Variants in EIF2B1 observed in about 807,000 individuals in gnomAD.
EIF2B1 encodes the protein translation initiation factor eIF2B subunit alpha.
In EIF2B1, 30 loss-of-function variants were observed where a neutral mutation model predicts 36.8. The observed-to-expected ratio is 0.81, with a 90% CI of 0.61 to 1.10. The LOEUF is 1.10. Ranked by LOEUF, EIF2B1 falls within the 50% of genes least tolerant of loss-of-function variation. The probability of loss-of-function intolerance (pLI) is 0.00; values close to 1 mark genes in which losing one functional copy is unlikely to be tolerated. For synonymous variants in EIF2B1, 139 were observed against 142.2 expected, an observed-to-expected ratio of 0.98 and a Z score of 0.16; for missense variants, 271 against 374.8, an observed-to-expected ratio of 0.72 and a Z score of 2.29.
intron 5 of EIF2B1, 69 bp downstream of exon 5, chr12:123,626,975 T>C (rs763941993): frequency 1.6e-5 from 23 of 1,401,480 alleles, no homozygotes; most frequent in East Asian, 2.3e-5. Context: ...CTGATCCTGT[T>C]GGACTGTAAT....
chr12:123,632,693 T>A (rs554592483), intron 1 of EIF2B1, among the ~76,000 whole-genome samples: 2 of 152,256 alleles, frequency 1.3e-5, no homozygotes, highest in East Asian at 3.9e-4. Context: ...ACGCCTGTAA[T>A]CCCAGCACTT....
Position 123,632,351 on chromosome 12 carries a change from C to G in EIF2B1, c.109G>C (p.Asp37His), listed in dbSNP as rs1955200291. The change falls in exon 2 of 9, where the codon GAT (aspartate) becomes CAT (histidine). Residue 37 changes from aspartate (D) to histidine (H), a missense_variant. Physicochemically the swap from Asp to His is moderately conservative, Grantham distance 81. Transcript: ENST00000424014. ...CAGATGACTCTCTATATACCTTTAT[C>G]TCTCTTCAAGAACTCCAGCAACGTC... ...IRTLLEFLKRDKGETIQGLRA... is the reference protein window; with the variant it reads ...IRTLLEFLKRHKGETIQGLRA... 2 of 1,604,516 alleles carry G rather than the reference C, an allele frequency of 1.2e-6. No homozygotes were observed. The highest frequency in any genetic ancestry group is 1.7e-5 in the Admixed American group (1 of 59,872).
chr12:123,630,020 T>C lies in EIF2B1; in HGVS notation c.369+149A>G. 1 of 759,106 alleles carries C rather than the reference T, an allele frequency of 1.3e-6. No homozygotes were observed. Among genetic ancestry groups the C allele is most frequent in the Non-Finnish European group, 2.3e-6 (1 of 430,052 alleles). The allele number at this position is 759,106 out of a possible 1,614,324, so 47.0% of individuals were successfully genotyped here. ...AAGGAGGTAGGTACTATTGTCATCCTTATTTAACAGATGAGAAAGCTGCAC... is the reference window on the plus strand; with the variant it reads ...AAGGAGGTAGGTACTATTGTCATCCCTATTTAACAGATGAGAAAGCTGCAC... On this transcript the variant is annotated intron_variant, in intron 4 of 8. Coordinates refer to ENST00000424014, the MANE Select transcript of EIF2B1 (RefSeq NM_001414.4). The surrounding 1 kb of genome is among the most constrained non-coding windows in gnomAD (Gnocchi z 4.6).
intron 1 of EIF2B1, 64 bp downstream of exon 1, chr12:123,633,481 G>A: frequency 1.2e-6 from 2 of 1,610,492 alleles, no homozygotes; most frequent in South Asian, 1.1e-5. Flanking sequence ...CTGGATGTGA[G>A]AGGTTGGGGG....
chr12:123,626,705 AAG>A, intron 5 of EIF2B1: 2 of 655,548 alleles, frequency 3.1e-6, no homozygotes, highest in East Asian at 2.7e-5. Context: ...GACTCTGGGT[AAG>A]AGATGTAAAT....
At chr12:123,629,107 C>T (rs1226709356) in intron 4 of EIF2B1, among the ~76,000 whole-genome samples, 1 of 152,088 alleles carries the variant, frequency 6.6e-6, no homozygotes, top group African/African-American at 2.4e-5. Context: ...TATTTAATAA[C>T]ATACTTCAAA....
chr12:123,632,807 G>C (rs544017185), intron 1 of EIF2B1, among the ~76,000 whole-genome samples: 1 of 151,224 alleles, frequency 6.6e-6, no homozygotes, highest in African/African-American at 2.4e-5. Context: ...TTAGCCGGGC[G>C]TAGTGGCGGG....
intron 7 of EIF2B1, among the ~76,000 whole-genome samples, chr12:123,624,275 T>TTA (rs71444904): frequency 7.0e-6 from 1 of 143,158 alleles, no homozygotes; most frequent in Non-Finnish European, 1.5e-5. Context: ...TTTTTTTTTT[T>TTA]ACTGAGACAG....
intron 5 of EIF2B1, 198 bp from the exon 6 acceptor site, chr12:123,626,691 CTT>C: frequency 1.5e-6 from 1 of 683,248 alleles, no homozygotes; most frequent in East Asian, 2.7e-5. Context: ...AAACTATACT[CTT>C]AGACTCTGGG....
chr12:123,622,796 G>A (rs1239755788), intron 7 of EIF2B1, 35 bp from the exon 8 acceptor site: 2 of 1,612,000 alleles, frequency 1.2e-6, no homozygotes, highest in Non-Finnish European at 1.7e-6. Flanking sequence ...ATGAGCTCTA[G>A]AGTGCATCTG....
Position 123,630,553 on chromosome 12 carries a change from A to C in EIF2B1, c.116-20T>G, listed in dbSNP as rs1177593022. The C allele has an allele frequency of 6.2e-7, 1 of 1,610,440 alleles. No homozygotes were observed. The highest frequency in any genetic ancestry group is 1.7e-5 in the Admixed American group (1 of 60,018). ...TCTCCCCTGGAATGATCCAACAAGGAATGTGATGTTCACATTAGGGCCACA... is the reference window on the plus strand; with the variant it reads ...TCTCCCCTGGAATGATCCAACAAGGCATGTGATGTTCACATTAGGGCCACA... On this transcript the variant is annotated intron_variant, in intron 2 of 8. Coordinates refer to ENST00000424014, the MANE Select transcript of EIF2B1 (RefSeq NM_001414.4). This position sits in a 1 kb window ranked among gnomAD's most constrained non-coding sequence, Gnocchi z 4.6.
intron 5 of EIF2B1, 87 bp downstream of exon 5, chr12:123,626,957 T>A: frequency 8.1e-7 from 1 of 1,235,876 alleles, no homozygotes; most frequent in Non-Finnish European, 1.2e-6. Context: ...TGGGGGCACA[T>A]TCTGGTTCTG....
chr12:123,624,186 CAT>C (rs1265181860), intron 7 of EIF2B1, among the ~76,000 whole-genome samples: 1 of 149,150 alleles, frequency 6.7e-6, no homozygotes, highest in Non-Finnish European at 1.5e-5. Flanking sequence ...TACATATACA[CAT>C]AAATAAAGCA....
At chr12:123,626,590 C>T (rs888626919) in intron 5 of EIF2B1, 97 bp from the exon 6 acceptor site, 2 of 1,337,132 alleles carry the variant, frequency 1.5e-6, no homozygotes, top group African/African-American at 2.9e-5. Context: ...GCTTGAAACT[C>T]ACATTAATAC....
Position 123,620,588 on chromosome 12 carries a change from A to ATATATATT in EIF2B1, c.*1167_*1168insAATATATA. 1 of 52,632 alleles carries ATATATATT rather than the reference A, an allele frequency of 1.9e-5. No individual in the cohort carries two copies. Among genetic ancestry groups the ATATATATT allele is most frequent in the African/African-American group, 6.9e-5 (1 of 14,480 alleles). 3.3% of individuals were successfully genotyped at this position (52,632 alleles called of 1,614,324 possible). On this transcript the variant is annotated 3_prime_UTR_variant, in exon 9 of 9. Transcript: ENST00000424014. Reference sequence around the variant, plus strand: ...ATAGACATATGTACATATTATATATATATATATATATATATATATATATAT... The same window carrying ATATATATT: ...ATAGACATATGTACATATTATATATATATATATTTATATATATATATATATATATATAT...
intron 7 of EIF2B1, among the ~76,000 whole-genome samples, chr12:123,623,466 T>A (rs963889867): frequency 4.6e-5 from 7 of 152,124 alleles, no homozygotes; most frequent in African/African-American, 1.4e-4. Flanking sequence ...CTAGTGGGAA[T>A]GTAAAGTAGT....
Position 123,621,632 on chromosome 12 carries a change from G to A in EIF2B1, c.*124C>T, listed in dbSNP as rs1163361243. 4 of 1,236,720 alleles carry A rather than the reference G, an allele frequency of 3.2e-6. No homozygotes were observed. Among genetic ancestry groups the A allele is most frequent in the Middle Eastern group, 2.6e-4 (1 of 3,796 alleles). 76.6% of individuals were successfully genotyped at this position (1,236,720 alleles called of 1,614,324 possible). On this transcript the variant is annotated 3_prime_UTR_variant, in exon 9 of 9. Coordinates refer to ENST00000424014, the MANE Select transcript of EIF2B1 (RefSeq NM_001414.4). Reference sequence around the variant, plus strand: ...GGTTCTCCAAGATGTATGATTTTAAGTCCTTACTCCATAAATCTTCATTAA... The same window carrying A: ...GGTTCTCCAAGATGTATGATTTTAAATCCTTACTCCATAAATCTTCATTAA...
chr12:123,626,293 G>T, intron 6 of EIF2B1, 132 bp downstream of exon 6: 1 of 1,007,916 alleles, frequency 9.9e-7, no homozygotes, highest in Middle Eastern at 2.4e-4. Context: ...GTTTAGGGCA[G>T]CTATTAATTA....
chr12:123,629,276 C>T (rs1955170645), intron 4 of EIF2B1, among the ~76,000 whole-genome samples: 1 of 152,142 alleles, frequency 6.6e-6, no homozygotes, highest in African/African-American at 2.4e-5. Context: ...GATGGTTCAA[C>T]TTGCACCTCC....
Sources: gnomAD v4.1 joint callset for allele counts (sites outside exome capture counted in the v4.1 genomes callset) on GRCh38, gnomAD v4.1.1 for gene constraint, Gnocchi (gnomAD v3.1) non-coding constraint, MANE v1.5 for transcripts, NCBI Gene and HGNC (gene_info 2026-07-23, HGNC 2026-07-21) for gene names.